The following TMEM117 variants were observed in gnomAD, a reference collection of about 807,000 sequenced individuals.
The protein encoded by TMEM117 is transmembrane protein 117.
A neutral mutation model predicts 52.4 loss-of-function variants in TMEM117; 27 were observed. That is an observed-to-expected ratio of 0.51 (90% confidence interval 0.38 to 0.71). The LOEUF (loss-of-function observed/expected upper bound fraction) is 0.71, where lower values mean the gene tolerates loss of function less well. TMEM117 is among the 30% of genes least tolerant of loss of function. TMEM117 has a pLI of 0.00. For missense variants in TMEM117, 556 were observed against 630.5 expected (o/e 0.88, Z 1.26); for synonymous variants, 215 against 206.3 (o/e 1.04, Z -0.36).
intron 3 of TMEM117, among the ~76,000 whole-genome samples, chr12:44,135,521 C>G (rs1249548272): frequency 1.3e-5 from 2 of 151,978 alleles, no homozygotes; most frequent in African/African-American, 4.8e-5. Flanking sequence ...TCACTGGAGC[C>G]TAAAATTGTT....
chr12:44,374,628 G>C (rs1226548882), intron 6 of TMEM117, among the ~76,000 whole-genome samples: 9 of 151,234 alleles, frequency 6.0e-5, no homozygotes, highest in Admixed American at 1.3e-4. Context: ...GTGTGTGTGT[G>C]TGTGTGTGTG....
At chr12:44,360,135 C>G (rs1951701057) in intron 6 of TMEM117, among the ~76,000 whole-genome samples, 1 of 151,990 alleles carries the variant, frequency 6.6e-6, no homozygotes, top group Non-Finnish European at 1.5e-5. Flanking sequence ...TGTGTGTATA[C>G]TAATACCTAA....
At chr12:44,251,778 G>T (rs1189366369) in intron 5 of TMEM117, among the ~76,000 whole-genome samples, 1 of 152,080 alleles carries the variant, frequency 6.6e-6, no homozygotes, top group East Asian at 1.9e-4. Flanking sequence ...CTCTACATAT[G>T]TCAAACAAAA....
At chr12:44,010,240 A>T (rs750877133) in intron 3 of TMEM117, 2 of 470,170 alleles carry the variant, frequency 4.3e-6, no homozygotes, top group Non-Finnish European at 8.5e-6. Context: ...TACAATATCA[A>T]TGAGTAGATC....
chr12:43,813,494 T>C, the TMEM117 span, among the ~76,000 whole-genome samples: 1 of 152,010 alleles, frequency 6.6e-6, no homozygotes, highest in African/African-American at 2.4e-5. Context: ...CCCAAAGTGC[T>C]GAGATTACAG....
chr12:43,993,919 T>A (rs1219524963), intron 3 of TMEM117, among the ~76,000 whole-genome samples: 2 of 152,178 alleles, frequency 1.3e-5, no homozygotes. Flanking sequence ...GGTCTTGAAC[T>A]CCTGGGCTCA....
At chr12:43,967,806 C>G (rs1945510729) in intron 3 of TMEM117, among the ~76,000 whole-genome samples, 1 of 152,140 alleles carries the variant, frequency 6.6e-6, no homozygotes, top group Admixed American at 6.5e-5. Flanking sequence ...ATAATTTATT[C>G]CCTAGCAGTG....
intron 5 of TMEM117, among the ~76,000 whole-genome samples, chr12:44,287,832 A>G (rs748079624): frequency 2.6e-5 from 4 of 152,216 alleles, no homozygotes; most frequent in Admixed American, 6.5e-5. Context: ...TGGTTTAGTT[A>G]TTGAAACTTC....
At chr12:43,981,970 A>G (rs550996473) in intron 3 of TMEM117, among the ~76,000 whole-genome samples, 2 of 152,192 alleles carry the variant, frequency 1.3e-5, no homozygotes, top group African/African-American at 2.4e-5. Flanking sequence ...GTTAACAGTA[A>G]GGTATTGTAT....
chr12:44,295,200 GTATT>G (rs1209379533), intron 5 of TMEM117, among the ~76,000 whole-genome samples: 1 of 151,340 alleles, frequency 6.6e-6, no homozygotes. Context: ...TATATATATT[GTATT>G]TATTTATTTA....
chr12:44,274,476 A>G (rs1950487415), intron 5 of TMEM117, among the ~76,000 whole-genome samples: 1 of 152,160 alleles, frequency 6.6e-6, no homozygotes, highest in Non-Finnish European at 1.5e-5. Context: ...ATGTAACAAC[A>G]AGAGACCCAG....
At chr12:43,928,365 G>A (rs1016822840) in intron 2 of TMEM117, among the ~76,000 whole-genome samples, 1 of 151,808 alleles carries the variant, frequency 6.6e-6, no homozygotes, top group African/African-American at 2.4e-5. Context: ...TTTTGCCTCA[G>A]ATATGTCTTC....
intron 4 of TMEM117, among the ~76,000 whole-genome samples, chr12:44,162,723 T>C (rs1191488046): frequency 6.6e-6 from 1 of 152,198 alleles, no homozygotes. Flanking sequence ...CCTTTGCACT[T>C]GTTCTGTTGA....
At chr12:43,865,059 A>T (rs902836238) in intron 2 of TMEM117, among the ~76,000 whole-genome samples, 1 of 152,134 alleles carries the variant, frequency 6.6e-6, no homozygotes, top group Non-Finnish European at 1.5e-5. Flanking sequence ...CCAGAAGGAA[A>T]AAGCTCCGAA....
chr12:43,907,209 C>A (rs1291027062), intron 2 of TMEM117, among the ~76,000 whole-genome samples: 3 of 152,282 alleles, frequency 2.0e-5, no homozygotes, highest in African/African-American at 7.2e-5. Flanking sequence ...AGCAGCCTAA[C>A]TGGGAGGCAC....
chr12:43,808,290 G>C, the TMEM117 span, among the ~76,000 whole-genome samples: 1,108 of 152,260 alleles, frequency 7.3e-3, 17 homozygotes, highest in African/African-American at 0.026. Context: ...AAATTGACAG[G>C]GTTGTAGCTG....
chr12:43,806,484 C>T, the TMEM117 span: 1,559 of 804,730 alleles, frequency 1.9e-3, 1 homozygote, highest in Middle Eastern at 3.1e-3. Flanking sequence ...TGCTTGGGGT[C>T]CTGCTTCTGC....
intron 6 of TMEM117, among the ~76,000 whole-genome samples, chr12:44,364,754 A>G (rs541539950): frequency 6.6e-6 from 1 of 152,132 alleles, no homozygotes; most frequent in Non-Finnish European, 1.5e-5. Flanking sequence ...ATTGTTACCC[A>G]TATAGATCTT....
intron 5 of TMEM117, among the ~76,000 whole-genome samples, chr12:44,289,344 T>C (rs1435492000): frequency 6.6e-6 from 1 of 151,870 alleles, no homozygotes; most frequent in Non-Finnish European, 1.5e-5. Context: ...ATAATGATGA[T>C]ATGAACAAGA....
Sources: allele counts gnomAD v4.1 joint callset (sites outside exome capture counted in the v4.1 genomes callset), GRCh38; gene constraint gnomAD v4.1.1; transcripts MANE v1.5; gene names NCBI Gene and HGNC (gene_info 2026-07-23, HGNC 2026-07-21).